The following PRP4K variants were observed in gnomAD, a reference collection of about 807,000 sequenced individuals.
PRP4K encodes the protein serine/threonine-protein kinase PRP4 homolog.
chr6:4,042,624 A>G, the PRP4K span: 51 of 1,393,190 alleles, frequency 3.7e-5, no homozygotes, highest in African/African-American at 1.5e-5. Flanking sequence ...TTTTTGCTTT[A>G]ACAAAAATGT....
the PRP4K span, among the ~76,000 whole-genome samples, chr6:4,038,527 A>G: frequency 6.6e-6 from 1 of 151,760 alleles, no homozygotes; most frequent in Non-Finnish European, 1.5e-5. Flanking sequence ...TCCTGACCCC[A>G]AATGATCCGC....
the PRP4K span, among the ~76,000 whole-genome samples, chr6:4,054,090 AT>A: frequency 6.6e-6 from 1 of 151,660 alleles, no homozygotes; most frequent in Non-Finnish European, 1.5e-5. Context: ...ATTAAAAAAA[AT>A]TTTTTTTAGA....
chr6:4,037,324 T>C, the PRP4K span: 1 of 1,344,710 alleles, frequency 7.4e-7, no homozygotes, highest in Non-Finnish European at 9.9e-7. Flanking sequence ...TTCTTACAGA[T>C]GTTCTTTGCA....
the PRP4K span, chr6:4,056,565 C>A: frequency 6.3e-7 from 1 of 1,598,102 alleles, no homozygotes; most frequent in Non-Finnish European, 8.5e-7. Flanking sequence ...GGAACCATAG[C>A]AAGTTCATCC....
the PRP4K span, chr6:4,058,639 T>C: frequency 1.1e-6 from 1 of 943,488 alleles, no homozygotes; most frequent in Non-Finnish European, 1.7e-6. Flanking sequence ...CTAAATAACA[T>C]ACTTATTTGA....
the PRP4K span, among the ~76,000 whole-genome samples, chr6:4,053,992 C>T: frequency 6.6e-6 from 1 of 151,956 alleles, no homozygotes; most frequent in Non-Finnish European, 1.5e-5. Context: ...TCACTGTAAC[C>T]TCCAACTCCT....
At chr6:4,024,719 C>A in the PRP4K span, among the ~76,000 whole-genome samples, 1 of 152,166 alleles carries the variant, frequency 6.6e-6, no homozygotes, top group African/African-American at 2.4e-5. Flanking sequence ...TCTCCTGTCT[C>A]TGTCTCCCGA....
chr6:4,034,235 A>G, the PRP4K span, among the ~76,000 whole-genome samples: 1 of 152,162 alleles, frequency 6.6e-6, no homozygotes, highest in African/African-American at 2.4e-5. Context: ...CATTTCTGCG[A>G]CAAAACATAT....
chr6:4,039,659 G>A, the PRP4K span, among the ~76,000 whole-genome samples: 6,966 of 152,204 alleles, frequency 0.046, 231 homozygotes, highest in Non-Finnish European at 0.065. Context: ...TGGGGGTGTT[G>A]TGACATGTTC....
chr6:4,052,633 A>G, the PRP4K span: 1 of 1,097,230 alleles, frequency 9.1e-7, no homozygotes, highest in Non-Finnish European at 1.3e-6. Context: ...ATTTTACTTT[A>G]TGCTTGCAAA....
At chr6:4,056,850 G>T in the PRP4K span, 1 of 1,078,472 alleles carries the variant, frequency 9.3e-7, no homozygotes, top group Non-Finnish European at 1.3e-6. Context: ...ATTTTTTAAG[G>T]TTTTTAAGTT....
At chr6:4,024,690 C>T in the PRP4K span, among the ~76,000 whole-genome samples, 2 of 152,138 alleles carry the variant, frequency 1.3e-5, no homozygotes, top group East Asian at 1.9e-4. Flanking sequence ...GCAACCTCTG[C>T]GTCCCAGGTT....
At chr6:4,057,874 C>T in the PRP4K span, among the ~76,000 whole-genome samples, 631 of 151,822 alleles carry the variant, frequency 4.2e-3, 6 homozygotes, top group African/African-American at 0.015. Flanking sequence ...CCTGCCTCAG[C>T]CTCCCGAGTA....
the PRP4K span, among the ~76,000 whole-genome samples, chr6:4,045,548 G>A: frequency 1.3e-5 from 2 of 152,180 alleles, no homozygotes; most frequent in East Asian, 3.8e-4. Context: ...TTGGAAAGGA[G>A]GAGTTTACAC....
the PRP4K span, among the ~76,000 whole-genome samples, chr6:4,023,923 G>A: frequency 1.3e-5 from 2 of 150,504 alleles, no homozygotes; most frequent in African/African-American, 4.9e-5. Context: ...CTAGATTGCA[G>A]TGGTGCGATC....
chr6:4,032,808 C>A, the PRP4K span: 2 of 1,413,248 alleles, frequency 1.4e-6, no homozygotes, highest in South Asian at 2.0e-5. Flanking sequence ...AGATTTTAAA[C>A]GGAAAACTAG....
the PRP4K span, among the ~76,000 whole-genome samples, chr6:4,034,404 G>C: frequency 6.6e-6 from 1 of 152,080 alleles, no homozygotes; most frequent in African/African-American, 2.4e-5. Flanking sequence ...TTTCTTTATA[G>C]AATAGACTCA....
chr6:4,051,238 C>T, the PRP4K span, among the ~76,000 whole-genome samples: 1 of 152,058 alleles, frequency 6.6e-6, no homozygotes, highest in African/African-American at 2.4e-5. Flanking sequence ...GGAACCAAGA[C>T]TAGTGTGCAG....
the PRP4K span, among the ~76,000 whole-genome samples, chr6:4,036,862 A>G: frequency 0.024 from 3,659 of 151,324 alleles, 131 homozygotes; most frequent in African/African-American, 0.085. Context: ...GCATGCCCTT[A>G]TGGTTCCAGC....
Sources: allele counts gnomAD v4.1 joint callset (sites outside exome capture counted in the v4.1 genomes callset), GRCh38; gene constraint gnomAD v4.1.1; transcripts MANE v1.5; gene names NCBI Gene and HGNC (gene_info 2026-07-23, HGNC 2026-07-21).